EEPD1: variants seen among roughly 807,000 people sequenced by gnomAD.
EEPD1 encodes the protein endonuclease/exonuclease/phosphatase family domain containing 1.
In EEPD1, 17 loss-of-function variants were observed where a neutral mutation model predicts 46.3. That is an observed-to-expected ratio of 0.37 (90% CI 0.25 to 0.55). The LOEUF is 0.55. Ranked by LOEUF, EEPD1 falls within the 20% of genes least tolerant of loss-of-function variation. EEPD1 has a pLI of 0.83. For synonymous variants in EEPD1, 313 were observed against 315.6 expected, an observed-to-expected ratio of 0.99 and a Z score of 0.09; for missense variants, 673 against 745.6, an observed-to-expected ratio of 0.90 and a Z score of 1.13.
intron 2 of EEPD1, among the ~76,000 whole-genome samples, chr7:36,197,028 C>T (rs1415385233): frequency 6.6e-6 from 1 of 151,174 alleles, no homozygotes; most frequent in African/African-American, 2.4e-5. Flanking sequence ...CCCGCCGCCC[C>T]GTCTGGGATG....
chr7:36,196,391 C>T (rs1268251848), intron 2 of EEPD1, among the ~76,000 whole-genome samples: 1 of 147,150 alleles, frequency 6.8e-6, no homozygotes, highest in African/African-American at 2.7e-5. Flanking sequence ...TCTCCCTCTC[C>T]CATCTCCCTC....
At chr7:36,166,212 C>CTT (rs1378960095) in intron 2 of EEPD1, among the ~76,000 whole-genome samples, 2 of 152,156 alleles carry the variant, frequency 1.3e-5, no homozygotes, top group African/African-American at 4.8e-5. Flanking sequence ...CCAGGCAAGA[C>CTT]TGTTTGGAGT....
intron 2 of EEPD1, among the ~76,000 whole-genome samples, chr7:36,182,502 G>T (rs779932177): frequency 3.9e-5 from 6 of 152,112 alleles, no homozygotes; most frequent in African/African-American, 1.2e-4. Flanking sequence ...TTATACAGAG[G>T]TTAAAAACAA....
At chr7:36,238,479 A>G (rs1786496263) in intron 2 of EEPD1, among the ~76,000 whole-genome samples, 1 of 152,242 alleles carries the variant, frequency 6.6e-6, no homozygotes, top group South Asian at 2.1e-4. Flanking sequence ...TATCTCATAT[A>G]AGTGGGATCG....
chr7:36,290,546 C>A (rs533731452), intron 6 of EEPD1, among the ~76,000 whole-genome samples: 1 of 152,116 alleles, frequency 6.6e-6, no homozygotes, highest in African/African-American at 2.4e-5. Flanking sequence ...CAAACAGAAC[C>A]GATGTGGTTA....
At chr7:36,186,212 G>A (rs1785358089) in intron 2 of EEPD1, among the ~76,000 whole-genome samples, 1 of 152,042 alleles carries the variant, frequency 6.6e-6, no homozygotes, top group African/African-American at 2.4e-5. Context: ...ACTCTCTGCT[G>A]GGTAGTGGCA....
rs1054309484 is a variant in EEPD1, at chr7:36,299,219, C to A, written c.*13C>A. 4 of 1,611,986 alleles carry A rather than the reference C, an allele frequency of 2.5e-6. No individual in the cohort carries two copies. Among genetic ancestry groups the A allele is most frequent in the Non-Finnish European group, 3.4e-6 (4 of 1,179,016 alleles). ...GCACGAGCGATGATGACACCAAATC[C>A]ATGTGTCCACCCTGGGACCCAGGAG... On this transcript the variant is annotated 3_prime_UTR_variant, in exon 8 of 8. Transcript: ENST00000242108.
chr7:36,233,133 C>G (rs79327465), intron 2 of EEPD1, among the ~76,000 whole-genome samples: 3,941 of 152,254 alleles, frequency 0.026, 185 homozygotes, highest in African/African-American at 0.089. Flanking sequence ...GAAATTTGAG[C>G]TACAACTGGA....
chr7:36,216,862 T>A (rs1353658870), intron 2 of EEPD1, among the ~76,000 whole-genome samples: 1 of 152,274 alleles, frequency 6.6e-6, no homozygotes, highest in East Asian at 1.9e-4. Context: ...ATTAAATGTA[T>A]ACATTCATAT....
Position 36,214,781 on chromosome 7 carries a change from C to T in EEPD1, c.879-24204C>T, listed in dbSNP as rs978901828. 4.6e-5 allele frequency among the ~76,000 whole-genome samples: 7 copies of T among 152,218 alleles called. No homozygotes were observed. The East Asian group carries it at 1.3e-3, about 29-fold the overall frequency. ...TGACATTGACGCAGGAGCTTCCCAGCAGGAATGGATGTTTCTTCCCGCCGC... is the reference window on the plus strand; with the variant it reads ...TGACATTGACGCAGGAGCTTCCCAGTAGGAATGGATGTTTCTTCCCGCCGC... On this transcript the variant is annotated intron_variant, in intron 2 of 7. Coordinates refer to ENST00000242108, the MANE Select transcript of EEPD1 (RefSeq NM_030636.3).
At chr7:36,285,498 G>A (rs1286988710) in intron 5 of EEPD1, among the ~76,000 whole-genome samples, 1 of 152,110 alleles carries the variant, frequency 6.6e-6, no homozygotes, top group African/African-American at 2.4e-5. Flanking sequence ...TTGATCGAGC[G>A]CAGTCTCTCT....
intron 2 of EEPD1, among the ~76,000 whole-genome samples, chr7:36,158,484 G>A (rs1455177835): frequency 2.0e-5 from 3 of 152,218 alleles, no homozygotes; most frequent in Non-Finnish European, 1.5e-5. Flanking sequence ...AGCTGTATGG[G>A]ATGGGAGTTA....
chr7:36,155,820 G>C (rs1784816174), intron 2 of EEPD1, among the ~76,000 whole-genome samples: 2 of 152,252 alleles, frequency 1.3e-5, no homozygotes, highest in South Asian at 4.1e-4. Context: ...AAGCTGACGT[G>C]TGTGTGTGAA....
chr7:36,237,560 A>G lies in EEPD1; in HGVS notation c.879-1425A>G, dbSNP rs181543880. 3.9e-5 allele frequency among the ~76,000 whole-genome samples: 6 copies of G among 152,260 alleles called. No individual in the cohort carries two copies. In the East Asian group the frequency reaches 9.7e-4, roughly 24 times the overall value. On this transcript the variant is annotated intron_variant, in intron 2 of 7. Coordinates refer to ENST00000242108, the MANE Select transcript of EEPD1 (RefSeq NM_030636.3). ...TTACCGGAAAGGGGTCCCCATGTAG[A>G]CCCCAAAAGAGGGTTCTTGGACCTT...
At chr7:36,174,618 A>G (rs974478) in intron 2 of EEPD1, among the ~76,000 whole-genome samples, 149,389 of 152,232 alleles carry the variant, frequency 0.98, 73,350 homozygotes, top group East Asian at 1. Context: ...GTATTTCCAG[A>G]GCCCTTCATA....
In EEPD1 at chr7:36,193,003, G is replaced by A. The variant is rs193201994; in HGVS notation, c.878+37801G>A. On this transcript the variant is annotated intron_variant, in intron 2 of 7. Coordinates refer to ENST00000242108, the MANE Select transcript of EEPD1 (RefSeq NM_030636.3). This position sits in a 1 kb window ranked among gnomAD's most constrained non-coding sequence, Gnocchi z 4.9. Reference sequence around the variant, plus strand: ...GGTCACTGGAGTGGGGATGCGCAGCGAGGGGCAGCTCAGGGCTGGACTCTT... The same window carrying A: ...GGTCACTGGAGTGGGGATGCGCAGCAAGGGGCAGCTCAGGGCTGGACTCTT... Among the ~76,000 whole-genome samples, 8 of 152,336 alleles carry A rather than the reference G, an allele frequency of 5.3e-5. No homozygotes were observed. Among genetic ancestry groups the A allele is most frequent in the South Asian group, 2.1e-4 (1 of 4,828 alleles).
At position 36,299,334 on chromosome 7, in the gene EEPD1, C is replaced by A; in HGVS notation, c.*128C>A. Reference sequence around the variant, plus strand: ...TTCTCAGAGCATCAGCACTTGAGGCCTTGCCCCACGCCTTCTCTGTGGACC... The same window carrying A: ...TTCTCAGAGCATCAGCACTTGAGGCATTGCCCCACGCCTTCTCTGTGGACC... On this transcript the variant is annotated 3_prime_UTR_variant, in exon 8 of 8. Transcript: ENST00000242108. 8.7e-7 allele frequency: 1 copy of A among 1,147,432 alleles called. No individual in the cohort carries two copies. Among genetic ancestry groups the A allele is most frequent in the Non-Finnish European group, 1.2e-6 (1 of 820,444 alleles). The allele number at this position is 1,147,432 out of a possible 1,614,324, so 71.1% of individuals were successfully genotyped here.
intron 2 of EEPD1, among the ~76,000 whole-genome samples, chr7:36,229,830 GTTGATGGCCC>G (rs1786292115): frequency 6.6e-6 from 1 of 152,054 alleles, no homozygotes; most frequent in Non-Finnish European, 1.5e-5. Context: ...GCTGCTAATT[GTTGATGGCCC>G]TTGGGCACCT....
At chr7:36,196,022 G>A (rs1014618837) in intron 2 of EEPD1, among the ~76,000 whole-genome samples, 6 of 152,096 alleles carry the variant, frequency 3.9e-5, no homozygotes, top group Non-Finnish European at 5.9e-5. Flanking sequence ...TTGCTCCTAA[G>A]CTGCAAACCT....
Sources: allele counts gnomAD v4.1 joint callset (sites outside exome capture counted in the v4.1 genomes callset), GRCh38; gene constraint gnomAD v4.1.1; non-coding constraint Gnocchi (gnomAD v3.1); transcripts MANE v1.5; gene names NCBI Gene and HGNC (gene_info 2026-07-23, HGNC 2026-07-21).